PROM1: variants seen among roughly 807,000 people sequenced by gnomAD.
The protein encoded by PROM1 is prominin 1, also known as prominin-1.
In PROM1, 105 loss-of-function variants were observed where a neutral mutation model predicts 116.9. That is an observed-to-expected ratio of 0.90 (90% CI 0.77 to 1.06). PROM1 has a LOEUF of 1.06. Among genes scored for constraint, PROM1 ranks in the 50% least tolerant of loss-of-function variants. PROM1 has a pLI of 0.00. For synonymous variants in PROM1, 393 were observed against 387.0 expected, an observed-to-expected ratio of 1.02 and a Z score of -0.18; for missense variants, 1,122 against 1,045.2, an observed-to-expected ratio of 1.07 and a Z score of -1.01.
At chr4:16,023,585 G>A (rs756271864) in intron 7 of PROM1, among the ~76,000 whole-genome samples, 170 bp from the exon 8 acceptor site, 6 of 152,062 alleles carry the variant, frequency 3.9e-5, no homozygotes, top group Admixed American at 6.5e-5. Context: ...CAGGGTCTCC[G>A]CACCAACTGT....
chr4:16,050,397 G>A (rs773433377), intron 2 of PROM1, among the ~76,000 whole-genome samples: 9 of 152,176 alleles, frequency 5.9e-5, no homozygotes, highest in Admixed American at 2.6e-4. Flanking sequence ...TCTGTTGCCC[G>A]TGCTAGAGTG....
At position 16,084,016 on chromosome 4, in the gene PROM1, G is replaced by C. The variant is rs916128234; in HGVS notation, c.-251C>G. 3 of 152,326 alleles carry C rather than the reference G, an allele frequency of 2.0e-5. No individual in the cohort carries two copies. Among genetic ancestry groups the C allele is most frequent in the Admixed American group, 1.3e-4 (2 of 15,286 alleles). The allele number at this position is 152,326 out of a possible 1,614,324, so 9.4% of individuals were successfully genotyped here. A position where few individuals can be genotyped will look rare whatever the true frequency, so the allele number is the denominator to read the frequency against. On this transcript the variant is annotated 5_prime_UTR_variant, in exon 1 of 28. Coordinates refer to ENST00000447510, the MANE Select transcript of PROM1 (RefSeq NM_006017.3). Reference sequence around the variant, plus strand: ...CTGAGAGCATGGCCAGGTGCCGCGTGGGGATCTGCCTCAGTCACTTAAAGA... The same window carrying C: ...CTGAGAGCATGGCCAGGTGCCGCGTCGGGATCTGCCTCAGTCACTTAAAGA...
intron 23 of PROM1, 78 bp from the exon 24 acceptor site, chr4:15,980,615 T>TAA: frequency 1.5e-6 from 1 of 660,300 alleles, no homozygotes; most frequent in Non-Finnish European, 2.4e-6. Context: ...GATTTTTTTT[T>TAA]TTTTTTTTTT....
At chr4:15,983,203 T>C in intron 23 of PROM1, among the ~76,000 whole-genome samples, 1 of 152,160 alleles carries the variant, frequency 6.6e-6, no homozygotes, top group East Asian at 1.9e-4. Flanking sequence ...GTTTTGGGGA[T>C]CAGAAAAGGC....
At chr4:15,982,318 T>G (rs1236753160) in intron 23 of PROM1, among the ~76,000 whole-genome samples, 2 of 152,194 alleles carry the variant, frequency 1.3e-5, no homozygotes, top group African/African-American at 4.8e-5. Flanking sequence ...ATTACAGAGG[T>G]GGCACCACCT....
At chr4:16,006,807 T>G in intron 12 of PROM1, 117 bp from the exon 13 acceptor site, 1 of 998,928 alleles carries the variant, frequency 1.0e-6, no homozygotes, top group Admixed American at 2.4e-5. Context: ...AATCAGAGTC[T>G]TCTATCAATT....
rs1320317342 is a variant in PROM1 at position 15,971,382 on chromosome 4, G to C, written c.2583-300C>G. On this transcript the variant is annotated intron_variant, in intron 26 of 27. Coordinates refer to ENST00000447510, the MANE Select transcript of PROM1 (RefSeq NM_006017.3). ...AGAGTCACTAAGAATACGTGTTGAA[G>C]ACATTAGACCAGCAGCAACACAGCA... The C allele has an allele frequency of 6.8e-5, 22 of 321,862 alleles. No individual in the cohort carries two copies. The South Asian group carries it at 8.1e-4, about 12-fold the overall frequency. 19.9% of individuals were successfully genotyped at this position (321,862 alleles called of 1,614,324 possible). A position where few individuals can be genotyped will look rare whatever the true frequency, so the allele number is the denominator to read the frequency against.
rs117717472 is a variant in PROM1 at position 16,009,929 on chromosome 4, G to A, written c.1142-821C>T. Among the ~76,000 whole-genome samples the A allele has an allele frequency of 1.0e-3, 92 of 91,484 alleles. 1 individual carries two copies. The East Asian group carries it at 0.028, about 28-fold the overall frequency. 60.0% of individuals were successfully genotyped at this position (91,484 alleles called of 152,430 possible). On this transcript the variant is annotated intron_variant, in intron 11 of 27. Transcript: ENST00000447510. ...CAGCCTGGGTGACATAGCAAGACTC[G>A]CTCTCAAAAAAAAAAAAAAAAAAAA... is the stretch of plus-strand genomic sequence containing the variant.
intron 2 of PROM1, among the ~76,000 whole-genome samples, chr4:16,050,722 T>C (rs1737669209): frequency 6.6e-6 from 1 of 152,234 alleles, no homozygotes; most frequent in Non-Finnish European, 1.5e-5. Flanking sequence ...CCTATTCAGA[T>C]ATCTTAGAAG....
intron 2 of PROM1, among the ~76,000 whole-genome samples, chr4:16,061,226 T>C (rs770647144): frequency 1.3e-5 from 2 of 152,140 alleles, no homozygotes; most frequent in African/African-American, 2.4e-5. Flanking sequence ...CATCCAGAGA[T>C]TTAAATGAAT....
intron 26 of PROM1, among the ~76,000 whole-genome samples, chr4:15,976,861 A>AG (rs966327062): frequency 2.0e-4 from 31 of 152,178 alleles, no homozygotes; most frequent in African/African-American, 7.2e-4. Flanking sequence ...CAGCATGGTC[A>AG]GCAGAGAGCC....
intron 4 of PROM1, 36 bp from the exon 5 acceptor site, chr4:16,033,545 G>A (rs1418310636): frequency 1.9e-6 from 2 of 1,072,858 alleles, no homozygotes; most frequent in Non-Finnish European, 2.7e-6. Context: ...ACATATTGTA[G>A]CACAAAATAA....
chr4:16,027,274 A>G (rs1337859779), intron 5 of PROM1, among the ~76,000 whole-genome samples: 3 of 147,724 alleles, frequency 2.0e-5, no homozygotes, highest in Non-Finnish European at 4.5e-5. Context: ...CAAAATAATG[A>G]TTTTGGAGTT....
At chr4:15,988,702 G>A (rs1720156547) in intron 19 of PROM1, among the ~76,000 whole-genome samples, 1 of 152,052 alleles carries the variant, frequency 6.6e-6, no homozygotes, top group South Asian at 2.1e-4. Flanking sequence ...TGGGAAAAAA[G>A]CATTTAAAAA....
At chr4:16,068,167 C>A (rs911763354) in intron 2 of PROM1, among the ~76,000 whole-genome samples, 3 of 152,222 alleles carry the variant, frequency 2.0e-5, no homozygotes, top group East Asian at 3.9e-4. Context: ...CCTGAGAGAA[C>A]CCGGAGTCCT....
At chr4:16,028,796 T>G (rs1004820038) in intron 5 of PROM1, among the ~76,000 whole-genome samples, 1 of 152,198 alleles carries the variant, frequency 6.6e-6, no homozygotes, top group Non-Finnish European at 1.5e-5. Context: ...CTTTAAACAA[T>G]CTAAAACATA....
At chr4:15,994,941 C>T (rs894334166) in intron 15 of PROM1, among the ~76,000 whole-genome samples, 14 of 152,224 alleles carry the variant, frequency 9.2e-5, no homozygotes, top group Admixed American at 7.2e-4. Context: ...AACTGGAGGG[C>T]TCTGCAGGAG....
At chr4:15,994,147 G>T in intron 15 of PROM1, 76 bp from the exon 16 acceptor site, 1 of 1,596,346 alleles carries the variant, frequency 6.3e-7, no homozygotes, top group Non-Finnish European at 8.5e-7. Flanking sequence ...AAGATGAGGA[G>T]AAAGGCTCAC....
In PROM1 at chr4:15,998,421, T is replaced by G; in HGVS notation, c.1646A>C (p.Lys549Thr). ...TTCAAAAGTGAGCTTCATTTTTGAT[T>G]TATTAAATAGCTTCCCAGAGAGATA... ...EYYLSGKLFN[K>T]SKMKLTFEQV... The change falls in exon 15 of 28, where the codon AAA becomes ACA. Residue 549 changes from lysine (K) to threonine (T), a missense_variant. Physicochemically the swap from Lys to Thr is moderately conservative, Grantham distance 78 (BLOSUM62 -1). Coordinates refer to ENST00000447510, the MANE Select transcript of PROM1 (RefSeq NM_006017.3). 6.2e-7 allele frequency: 1 copy of G among 1,608,558 alleles called. No homozygotes were observed. Among genetic ancestry groups the G allele is most frequent in the East Asian group, 2.2e-5 (1 of 44,660 alleles).
Sources: allele counts gnomAD v4.1 joint callset (sites outside exome capture counted in the v4.1 genomes callset), GRCh38; gene constraint gnomAD v4.1.1; transcripts MANE v1.5; gene names NCBI Gene and HGNC (gene_info 2026-07-23, HGNC 2026-07-21).